The following ADCY5 variants were observed in gnomAD, a reference collection of about 807,000 sequenced individuals.
ADCY5 encodes adenylate cyclase type 5.
A neutral mutation model predicts 119.7 loss-of-function variants in ADCY5; 30 were observed. That is an observed-to-expected ratio of 0.25 (90% CI 0.19 to 0.34). ADCY5 has a LOEUF of 0.34. Ranked by LOEUF, ADCY5 falls within the 10% of genes least tolerant of loss-of-function variation. The probability of loss-of-function intolerance (pLI) is 1.00; values close to 1 mark genes in which losing one functional copy is unlikely to be tolerated. For synonymous variants in ADCY5, 753 were observed against 762.2 expected (o/e 0.99, Z 0.20); for missense variants, 1,324 against 1,775.2 (o/e 0.75, Z 4.57).
At chr3:123,314,169 T>C in intron 12 of ADCY5, 66 bp downstream of exon 12, 1 of 1,368,616 alleles carries the variant, frequency 7.3e-7, no homozygotes, top group South Asian at 1.3e-5. Flanking sequence ...GGCCCCTGGG[T>C]AGGGCCCCTA....
chr3:123,401,432 C>T lies in ADCY5; in HGVS notation c.1134+45980G>A, dbSNP rs1436164943. Among the ~76,000 whole-genome samples, 4 of 152,288 alleles carry T rather than the reference C, an allele frequency of 2.6e-5. No homozygotes were observed. The East Asian group carries it at 5.8e-4, about 22-fold the overall frequency. On this transcript the variant is annotated intron_variant, in intron 1 of 20. Coordinates refer to ENST00000462833, the MANE Select transcript of ADCY5 (RefSeq NM_183357.3). ...TACTTTAAAAAATGAGAGGGAAGGG[C>T]CATTTTTGTGGCTATTCGCACTTAG...
chr3:123,303,885 AG>A (rs1377248270), intron 13 of ADCY5, among the ~76,000 whole-genome samples, 181 bp downstream of exon 13: 3 of 89,078 alleles, frequency 3.4e-5, no homozygotes, highest in African/African-American at 1.6e-4. Flanking sequence ...AGAGAAGAGA[AG>A]AGAAGAGAAG....
At chr3:123,414,652 G>A (rs529641745) in intron 1 of ADCY5, among the ~76,000 whole-genome samples, 1 of 152,288 alleles carries the variant, frequency 6.6e-6, no homozygotes, top group Admixed American at 6.5e-5. Context: ...TGCCTGCTGG[G>A]TTCAAGCAAT....
chr3:123,412,975 T>C (rs991650189), intron 1 of ADCY5, among the ~76,000 whole-genome samples: 1 of 152,230 alleles, frequency 6.6e-6, no homozygotes, highest in African/African-American at 2.4e-5. Context: ...CAGGCCAGCC[T>C]GCACTGTCTC....
intron 3 of ADCY5, among the ~76,000 whole-genome samples, chr3:123,338,050 G>C (rs1221983500): frequency 5.9e-5 from 9 of 152,298 alleles, no homozygotes; most frequent in Admixed American, 1.3e-4. Context: ...CAGGGACATG[G>C]GGACATGAGT....
intron 1 of ADCY5, among the ~76,000 whole-genome samples, chr3:123,381,410 C>A (rs1014430157): frequency 6.6e-6 from 1 of 152,206 alleles, no homozygotes; most frequent in African/African-American, 2.4e-5. Context: ...AGCCTCTCCC[C>A]AAAGACGTGG....
chr3:123,425,840 G>A (rs968977068), intron 1 of ADCY5, among the ~76,000 whole-genome samples: 1 of 152,202 alleles, frequency 6.6e-6, no homozygotes, highest in African/African-American at 2.4e-5. Context: ...CCAGAATAAG[G>A]ACAGGGCCAG....
intron 15 of ADCY5, among the ~76,000 whole-genome samples, chr3:123,299,281 T>C (rs1318605411): frequency 1.3e-5 from 2 of 152,236 alleles, no homozygotes; most frequent in African/African-American, 4.8e-5. Context: ...TTCTGGAACA[T>C]GCCTAACTTG....
chr3:123,328,246 C>A (rs1941588784), intron 6 of ADCY5, among the ~76,000 whole-genome samples: 1 of 152,172 alleles, frequency 6.6e-6, no homozygotes, highest in Admixed American at 6.5e-5. Context: ...GTTCCCTCCG[C>A]CTAGCAGCAG....
intron 10 of ADCY5, 163 bp from the exon 11 acceptor site, chr3:123,318,280 A>C (rs1310283947): frequency 5.1e-6 from 3 of 582,618 alleles, no homozygotes; most frequent in African/African-American, 3.7e-5. Flanking sequence ...CTTAGACCCC[A>C]GGAAACCAGT....
At chr3:123,399,264 T>C (rs1185753614) in intron 1 of ADCY5, among the ~76,000 whole-genome samples, 2 of 152,274 alleles carry the variant, frequency 1.3e-5, no homozygotes, top group African/African-American at 4.8e-5. Flanking sequence ...TATTTGGATA[T>C]GCTGGGTTAA....
At chr3:123,303,032 T>A (rs750862856) in intron 14 of ADCY5, 23 bp downstream of exon 14, 1 of 1,611,832 alleles carries the variant, frequency 6.2e-7, no homozygotes, top group South Asian at 1.1e-5. Flanking sequence ...AGCACTCCCT[T>A]CCAGCCCCTG....
intron 1 of ADCY5, among the ~76,000 whole-genome samples, chr3:123,418,555 C>T (rs555563895): frequency 3.4e-4 from 52 of 152,144 alleles, no homozygotes; most frequent in Non-Finnish European, 5.0e-4. Context: ...AACCTATGGG[C>T]GCCCTGGCTT....
intron 1 of ADCY5, among the ~76,000 whole-genome samples, chr3:123,445,699 T>C (rs1162169788): frequency 2.0e-5 from 3 of 152,140 alleles, no homozygotes; most frequent in African/African-American, 7.2e-5. Context: ...ATCTCAGATC[T>C]GAAAAAACTT....
At chr3:123,329,052 C>T (rs1224972359) in intron 5 of ADCY5, among the ~76,000 whole-genome samples, 1 of 152,208 alleles carries the variant, frequency 6.6e-6, no homozygotes, top group Non-Finnish European at 1.5e-5. Flanking sequence ...AACCTAGAGC[C>T]CTGCTGCTTC....
In ADCY5 at chr3:123,336,023, C is replaced by T. The variant is rs368714609; in HGVS notation, c.1407-3348G>A. On this transcript the variant is annotated intron_variant, in intron 3 of 20. Coordinates refer to ENST00000462833, the MANE Select transcript of ADCY5 (RefSeq NM_183357.3). ...TCCTGCCAGGCCAGGGGACTCAGGA[C>T]AGCAGAGAGCTGCTCCAGCGTGTGC... Among the ~76,000 whole-genome samples, 15 of 152,348 alleles carry T rather than the reference C, an allele frequency of 9.8e-5. No homozygotes were observed. In the East Asian group the frequency reaches 2.9e-3, roughly 29 times the overall value.
chr3:123,297,298 T>C, intron 16 of ADCY5, 55 bp downstream of exon 16: 1 of 1,598,692 alleles, frequency 6.3e-7, no homozygotes, highest in Non-Finnish European at 8.6e-7. Flanking sequence ...CTGCCCTCCC[T>C]GTCTGCTCTG....
intron 1 of ADCY5, among the ~76,000 whole-genome samples, chr3:123,418,608 A>C (rs1263503414): frequency 6.6e-6 from 1 of 152,184 alleles, no homozygotes; most frequent in Non-Finnish European, 1.5e-5. Flanking sequence ...GCCTCAGCAG[A>C]GTGAGAACTC....
intron 17 of ADCY5, among the ~76,000 whole-genome samples, chr3:123,291,599 C>T (rs1939155535): frequency 6.6e-6 from 1 of 152,186 alleles, no homozygotes; most frequent in Non-Finnish European, 1.5e-5. Flanking sequence ...AAAGACATTT[C>T]TGAGCCTCGA....
Sources: gnomAD v4.1 joint callset for allele counts (sites outside exome capture counted in the v4.1 genomes callset) on GRCh38, gnomAD v4.1.1 for gene constraint, MANE v1.5 for transcripts, NCBI Gene and HGNC (gene_info 2026-07-23, HGNC 2026-07-21) for gene names.